Variants in RARS2 observed in about 807,000 individuals in gnomAD.
The protein encoded by RARS2 is probable arginine--tRNA ligase, mitochondrial.
In RARS2, 67 loss-of-function variants were observed where a neutral mutation model predicts 88.5. That is an observed-to-expected ratio of 0.76 (90% CI 0.62 to 0.93). The LOEUF (loss-of-function observed/expected upper bound fraction) is 0.93, where lower values mean the gene tolerates loss of function less well. Ranked by LOEUF, RARS2 falls within the 40% of genes least tolerant of loss-of-function variation. RARS2 has a pLI of 0.00. For missense variants in RARS2, 664 were observed against 684.2 expected (o/e 0.97, Z 0.33); for synonymous variants, 239 against 230.3 (o/e 1.04, Z -0.34).
At position 87,555,436 on chromosome 6, in the gene RARS2, G is replaced by A; in HGVS notation, c.367C>T (p.Pro123Ser). 1 of 1,613,908 alleles carries A rather than the reference G, an allele frequency of 6.2e-7. No homozygotes were observed. The highest frequency in any genetic ancestry group is 8.5e-7 in the Non-Finnish European group (1 of 1,179,882). The change falls in exon 5 of 20, where the codon CCC becomes TCC. Residue 123 changes from proline (P) to serine (S), a missense_variant. Coordinates refer to ENST00000369536, the MANE Select transcript of RARS2 (RefSeq NM_020320.5). ...GLKSELFSGL[P>S]QKKIVVEFSS... is the part of the protein sequence containing the mutation. ...AATTCAACCACAATCTTCTTCTGGG[G>A]AAGTCCAGAGAAAAGTTCACTTTTT...
chr6:87,535,261 T>C (rs142781223), intron 8 of RARS2, among the ~76,000 whole-genome samples: 1,568 of 152,288 alleles, frequency 0.01, 24 homozygotes, highest in African/African-American at 0.034. Context: ...ACTGCATAAA[T>C]ATCCCTACAT....
At position 87,564,695 on chromosome 6, in the gene RARS2, T is replaced by C. The variant is rs569119401; in HGVS notation, c.111-463A>G. 9 of 243,364 alleles carry C rather than the reference T, an allele frequency of 3.7e-5. No individual in the cohort carries two copies. The East Asian group carries it at 1.2e-3, about 33-fold the overall frequency. 15.1% of individuals were successfully genotyped at this position (243,364 alleles called of 1,614,324 possible). A position where few individuals can be genotyped will look rare whatever the true frequency, so the allele number is the denominator to read the frequency against. On this transcript the variant is annotated intron_variant, in intron 2 of 19. Coordinates refer to ENST00000369536, the MANE Select transcript of RARS2 (RefSeq NM_020320.5). ...AAAAAAGTAAATAAAATAAAATAAA[T>C]AAATAAAAAACAAAATTAAAAGCAA...
chr6:87,520,534 T>C (rs577547406), intron 12 of RARS2, among the ~76,000 whole-genome samples: 6 of 152,254 alleles, frequency 3.9e-5, no homozygotes, highest in Admixed American at 2.0e-4. Context: ...CTCTCGGCTA[T>C]TATGACCCTG....
In RARS2 at chr6:87,547,702, G is replaced by A. The variant is rs180790424; in HGVS notation, c.451+889C>T. 4.6e-5 allele frequency among the ~76,000 whole-genome samples: 7 copies of A among 151,100 alleles called. No individual in the cohort carries two copies. In the East Asian group the frequency reaches 9.8e-4, roughly 21 times the overall value. On this transcript the variant is annotated intron_variant, in intron 6 of 19. Coordinates refer to ENST00000369536, the MANE Select transcript of RARS2 (RefSeq NM_020320.5). ...TCTGTCACCCAGGCTGTAGTGCAGT[G>A]GTGCGCAGCTCACTGCAACCTCTGC...
At chr6:87,589,377 T>C (rs147677803) in intron 1 of RARS2, among the ~76,000 whole-genome samples, 2 of 152,330 alleles carry the variant, frequency 1.3e-5, no homozygotes, top group Middle Eastern at 3.4e-3. Flanking sequence ...AAAGCAATTA[T>C]ATTGCAATTT....
At chr6:87,515,098 T>C in intron 18 of RARS2, 78 bp from the exon 19 acceptor site, 2 of 1,099,978 alleles carry the variant, frequency 1.8e-6, no homozygotes, top group Non-Finnish European at 2.8e-6. Flanking sequence ...TATCTAATCT[T>C]ACTCCTTCAA....
intron 1 of RARS2, among the ~76,000 whole-genome samples, chr6:87,578,051 G>A (rs1280081947): frequency 2.0e-5 from 3 of 151,994 alleles, no homozygotes; most frequent in African/African-American, 7.3e-5. Context: ...GGGAGGTCGA[G>A]GTGCAGGATC....
intron 1 of RARS2, among the ~76,000 whole-genome samples, chr6:87,574,044 T>C (rs1225756269): frequency 1.3e-5 from 2 of 152,256 alleles, no homozygotes; most frequent in African/African-American, 2.4e-5. Context: ...ATAAATTCCA[T>C]TATTTTTTCC....
chr6:87,573,503 G>A (rs1246576307), intron 1 of RARS2, among the ~76,000 whole-genome samples: 1 of 152,104 alleles, frequency 6.6e-6, no homozygotes, highest in Non-Finnish European at 1.5e-5. Context: ...AAGAAAAAGG[G>A]GGTTGGGGTG....
intron 1 of RARS2, among the ~76,000 whole-genome samples, chr6:87,572,121 T>C (rs1016929116): frequency 6.6e-6 from 1 of 151,394 alleles, no homozygotes; most frequent in Non-Finnish European, 1.5e-5. Context: ...AGGATCCAAA[T>C]TCCAAATTCC....
At chr6:87,557,660 G>A (rs919782399) in intron 4 of RARS2, among the ~76,000 whole-genome samples, 1 of 152,182 alleles carries the variant, frequency 6.6e-6, no homozygotes, top group Non-Finnish European at 1.5e-5. Context: ...TTCCTCAGGA[G>A]TAAACACTTT....
chr6:87,565,042 A>C (rs9450742), intron 2 of RARS2, among the ~76,000 whole-genome samples: 1,586 of 152,306 alleles, frequency 0.01, 24 homozygotes, highest in African/African-American at 0.037. Flanking sequence ...TGGGTGACAG[A>C]GCAAGACCTA....
At chr6:87,559,637 G>A (rs1018846849) in intron 4 of RARS2, among the ~76,000 whole-genome samples, 6 of 152,226 alleles carry the variant, frequency 3.9e-5, no homozygotes, top group South Asian at 2.1e-4. Context: ...AATTACAGGC[G>A]TGAGCCACCA....
At chr6:87,519,462 T>C (rs745877104) in intron 14 of RARS2, 121 bp downstream of exon 14, 134 of 1,136,382 alleles carry the variant, frequency 1.2e-4, no homozygotes, top group Non-Finnish European at 1.7e-4. Flanking sequence ...AAAGGTATTT[T>C]TGACAAAGTT....
At chr6:87,564,487 T>C in intron 2 of RARS2, 1 of 433,896 alleles carries the variant, frequency 2.3e-6, no homozygotes, top group Non-Finnish European at 4.3e-6. Flanking sequence ...TAAAACCCCA[T>C]CTCTACTAAA....
chr6:87,547,474 T>C lies in RARS2; in HGVS notation c.451+1117A>G, dbSNP rs1378422615. 5.3e-5 allele frequency among the ~76,000 whole-genome samples: 8 copies of C among 152,324 alleles called. 1 individual carries two copies. The highest frequency in any genetic ancestry group is 4.6e-4 in the Admixed American group (7 of 15,300). ...CATTGGAAGTGAGATTAGATTGAGA[T>C]AAACTCCAAAGTCCCTTCCAATTCT... On this transcript the variant is annotated intron_variant, in intron 6 of 19. Coordinates refer to ENST00000369536, the MANE Select transcript of RARS2 (RefSeq NM_020320.5).
Position 87,530,605 on chromosome 6 carries a change from C to T in RARS2, c.771+179G>A, listed in dbSNP as rs185842715. Among the ~76,000 whole-genome samples, 100 of 152,250 alleles carry T rather than the reference C, an allele frequency of 6.6e-4. 1 individual carries two copies. The highest frequency in any genetic ancestry group is 2.4e-3 in the African/African-American group (99 of 41,540). On this transcript the variant is annotated intron_variant, in intron 9 of 19. Transcript: ENST00000369536. Reference sequence around the variant, plus strand: ...AATGAAGTATGAGAATATCACCTGACACTGCTTCAGGATTATTTTGCAGTT... The same window carrying T: ...AATGAAGTATGAGAATATCACCTGATACTGCTTCAGGATTATTTTGCAGTT...
intron 7 of RARS2, among the ~76,000 whole-genome samples, chr6:87,543,736 G>A (rs1781763791): frequency 6.6e-6 from 1 of 152,146 alleles, no homozygotes; most frequent in African/African-American, 2.4e-5. Context: ...TCAAGGTTCA[G>A]TAGAAAGTGG....
chr6:87,518,077 T>C, intron 17 of RARS2, 92 bp downstream of exon 17: 1 of 1,610,998 alleles, frequency 6.2e-7, no homozygotes, highest in African/African-American at 1.3e-5. Flanking sequence ...AGAAGGCAGC[T>C]ACTGGACTGT....
Sources: gnomAD v4.1 joint callset for allele counts (sites outside exome capture counted in the v4.1 genomes callset) on GRCh38, gnomAD v4.1.1 for gene constraint, MANE v1.5 for transcripts, NCBI Gene and HGNC (gene_info 2026-07-23, HGNC 2026-07-21) for gene names.